RCC1: variants seen among roughly 807,000 people sequenced by gnomAD.
The protein encoded by RCC1 is regulator of chromosome condensation.
Under a neutral mutation model 44.4 loss-of-function variants are expected in RCC1, and 11 were observed. The ratio of observed to expected loss-of-function variants is 0.25; its 90% CI spans 0.16 to 0.41. The LOEUF (loss-of-function observed/expected upper bound fraction) is 0.41, where lower values mean the gene tolerates loss of function less well. RCC1 is among the 10% of genes least tolerant of loss of function. The pLI, the probability that RCC1 is intolerant of heterozygous loss-of-function variation, is 1.00. For synonymous variants in RCC1, 213 were observed against 216.5 expected, an observed-to-expected ratio of 0.98 and a Z score of 0.14; for missense variants, 386 against 547.1, an observed-to-expected ratio of 0.71 and a Z score of 2.94.
chr1:28,519,281 A>C (rs1440193509), intron 4 of RCC1, among the ~76,000 whole-genome samples: 1 of 152,104 alleles, frequency 6.6e-6, no homozygotes. Flanking sequence ...TAACAAGATG[A>C]TACAGCAGGG....
intron 2 of RCC1, chr1:28,508,484 T>A: frequency 2.2e-6 from 1 of 458,184 alleles, no homozygotes; most frequent in Non-Finnish European, 4.4e-6. Context: ...AGAAAGATAC[T>A]AGCCCTTGAA....
At chr1:28,527,023 C>A (rs1337727180) in intron 4 of RCC1, 1 of 821,238 alleles carries the variant, frequency 1.2e-6, no homozygotes, top group Non-Finnish European at 2.2e-6. Flanking sequence ...TAAAATAGGG[C>A]GCATGCTGGG....
At chr1:28,529,024 G>A (rs373722748) in intron 4 of RCC1, among the ~76,000 whole-genome samples, 24 of 148,578 alleles carry the variant, frequency 1.6e-4, no homozygotes, top group African/African-American at 5.2e-4. Flanking sequence ...CACCATGCCT[G>A]GCTAATTTTT....
intron 3 of RCC1, among the ~76,000 whole-genome samples, chr1:28,511,609 TCCGCCCACCTCGG>T (rs1183424029): frequency 6.6e-6 from 1 of 151,602 alleles, no homozygotes; most frequent in East Asian, 1.9e-4. Context: ...GACCTCGTGA[TCCGCCCACCTCGG>T]CCTCCCAAAG....
chr1:28,529,976 C>G (rs754208750), intron 5 of RCC1, 37 bp downstream of exon 5: 1 of 1,527,228 alleles, frequency 6.5e-7, no homozygotes, highest in Admixed American at 1.7e-5. Context: ...GTACAGGTGG[C>G]CCCTTGAAAC....
chr1:28,523,886 G>A (rs1027506941), intron 4 of RCC1, among the ~76,000 whole-genome samples: 4 of 152,140 alleles, frequency 2.6e-5, no homozygotes, highest in Admixed American at 1.3e-4. Context: ...GTGCAAACTC[G>A]GCTTACCACA....
rs1663727931 is a variant in RCC1 at position 28,527,229 on chromosome 1, CT to C, written c.-9-2627del. 9 of 779,138 alleles carry C rather than the reference CT, an allele frequency of 1.2e-5. No individual in the cohort carries two copies. In the Admixed American group the frequency reaches 1.8e-4, roughly 16 times the overall value. The allele number at this position is 779,138 out of a possible 1,614,324, so 48.3% of individuals were successfully genotyped here. ...GTAACCTTCCCACAGCAGCCGCGAT[CT>C]TCAGTGCATGTGTGTTTTTGTTTTT... On this transcript the variant is annotated intron_variant, in intron 4 of 12. Transcript: ENST00000683442.
In RCC1 at chr1:28,516,870, A is replaced by G. The variant is rs1000792239; in HGVS notation, c.-10+3A>G. ...GAGGCAGAGGTAAACTTGGAGAGGTAAGAAACCCTGAAGACAGGGGAGTGC... is the reference window on the plus strand; with the variant it reads ...GAGGCAGAGGTAAACTTGGAGAGGTGAGAAACCCTGAAGACAGGGGAGTGC... On this transcript the variant is annotated splice_donor_region_variant and intron_variant, in intron 4 of 12. Transcript: ENST00000683442. The G allele has an allele frequency of 8.8e-6, 4 of 456,546 alleles. No individual in the cohort carries two copies. The highest frequency in any genetic ancestry group is 1.8e-5 in the Non-Finnish European group (4 of 226,946). 28.3% of individuals were successfully genotyped at this position (456,546 alleles called of 1,614,324 possible). A position where few individuals can be genotyped will look rare whatever the true frequency, so the allele number is the denominator to read the frequency against.
rs769808394 is a variant in RCC1, at chr1:28,531,259, C to CTTTTTTTTTTTTTTTTTTTTTTTT, written c.74-539_74-538insTTTTTTTTTTTTTTTTTTTTTTTT. ...CAATAACAATAATTAGCTTTCTTTT[C>CTTTTTTTTTTTTTTTTTTTTTTTT]TTTTTCTTTTTTTTTTTTTTTTTGA... On this transcript the variant is annotated intron_variant, in intron 5 of 12. Transcript: ENST00000683442. Among the ~76,000 whole-genome samples, 5 of 132,452 alleles carry CTTTTTTTTTTTTTTTTTTTTTTTT rather than the reference C, an allele frequency of 3.8e-5. 2 individuals are homozygous for CTTTTTTTTTTTTTTTTTTTTTTTT. The highest frequency in any genetic ancestry group is 6.2e-5 in the Non-Finnish European group (4 of 64,468). 86.9% of individuals were successfully genotyped at this position (132,452 alleles called of 152,430 possible).
intron 1 of RCC1, chr1:28,507,056 C>G (rs372287590): frequency 1.7e-5 from 3 of 179,926 alleles, no homozygotes; most frequent in African/African-American, 7.1e-5. Flanking sequence ...GGATTACAGG[C>G]GTGAGCCATC....
intron 4 of RCC1, among the ~76,000 whole-genome samples, chr1:28,524,178 C>A (rs1663490892): frequency 1.3e-5 from 2 of 152,244 alleles, no homozygotes; most frequent in Non-Finnish European, 2.9e-5. Context: ...GACATCCTTT[C>A]TGGGATGGCT....
At chr1:28,522,931 T>G (rs1170628817) in intron 4 of RCC1, among the ~76,000 whole-genome samples, 1 of 151,286 alleles carries the variant, frequency 6.6e-6, no homozygotes, top group Non-Finnish European at 1.5e-5. Flanking sequence ...CAGTGAAAAG[T>G]TGCTGTCTTT....
intron 4 of RCC1, among the ~76,000 whole-genome samples, chr1:28,524,165 C>T (rs1450177694): frequency 6.6e-6 from 1 of 152,208 alleles, no homozygotes; most frequent in Admixed American, 6.6e-5. Flanking sequence ...ACTTTGCCTG[C>T]CTGACATCCT....
rs75880338 is a variant in RCC1 at position 28,520,400 on chromosome 1, G to A, written c.-10+3533G>A. Among the ~76,000 whole-genome samples the A allele has an allele frequency of 5.1e-3, 780 of 152,306 alleles. 5 individuals carry two copies. Among genetic ancestry groups the A allele is most frequent in the African/African-American group, 0.018 (729 of 41,550 alleles). ...AGGCTCCGGGCAGACTGTCTAGACT[G>A]GCGTGCCTACCCACTTTCTTCAATA... On this transcript the variant is annotated intron_variant, in intron 4 of 12. Coordinates refer to ENST00000683442, the MANE Select transcript of RCC1 (RefSeq NM_001381865.2).
At chr1:28,507,394 C>G (rs775577113) in intron 1 of RCC1, 1 of 519,120 alleles carries the variant, frequency 1.9e-6, no homozygotes, top group South Asian at 1.4e-5. Flanking sequence ...GGAGGTCACT[C>G]TCCCCGGGCT....
intron 4 of RCC1, among the ~76,000 whole-genome samples, chr1:28,524,960 C>G (rs1305431815): frequency 6.6e-6 from 1 of 152,154 alleles, no homozygotes; most frequent in East Asian, 1.9e-4. Flanking sequence ...CAAAACCCCC[C>G]AGACACCCAG....
chr1:28,533,942 A>G (rs1232836327), intron 7 of RCC1, among the ~76,000 whole-genome samples: 3 of 121,702 alleles, frequency 2.5e-5, no homozygotes, highest in South Asian at 2.8e-4. Context: ...CAATGACACA[A>G]TCTCGGCTCA....
In RCC1 at chr1:28,525,246, G is replaced by C. The variant is rs1663571293; in HGVS notation, c.-9-4612G>C. Among the ~76,000 whole-genome samples the C allele has an allele frequency of 2.0e-5, 3 of 152,124 alleles. No individual in the cohort carries two copies. In the South Asian group the frequency reaches 6.2e-4, roughly 32 times the overall value. ...ATAGATAACATAACCGGTTAGGTCA[G>C]GGGTCGATCTTTAACCAGACACAGG... On this transcript the variant is annotated intron_variant, in intron 4 of 12. Transcript: ENST00000683442.
intron 2 of RCC1, chr1:28,508,583 ACT>A (rs750594884): frequency 2.1e-5 from 11 of 518,154 alleles, no homozygotes; most frequent in Non-Finnish European, 4.2e-5. Context: ...CTGGGAGGTC[ACT>A]CTCCCCAGGC....
Sources: gnomAD v4.1 joint callset for allele counts (sites outside exome capture counted in the v4.1 genomes callset) on GRCh38, gnomAD v4.1.1 for gene constraint, MANE v1.5 for transcripts, NCBI Gene and HGNC (gene_info 2026-07-23, HGNC 2026-07-21) for gene names.